The following DNAJB11 variants were observed in gnomAD, a reference collection of about 807,000 sequenced individuals.
The protein encoded by DNAJB11 is DnaJ heat shock protein family (Hsp40) member B11, also known as dnaJ homolog subfamily B member 11.
A neutral mutation model predicts 47.2 loss-of-function variants in DNAJB11; 30 were observed. The observed-to-expected ratio is 0.64, with a 90% CI of 0.48 to 0.86. The LOEUF is 0.86. Ranked by LOEUF, DNAJB11 falls within the 40% of genes least tolerant of loss-of-function variation. The probability of loss-of-function intolerance (pLI) is 0.00; values close to 1 mark genes in which losing one functional copy is unlikely to be tolerated. For synonymous variants in DNAJB11, 151 were observed against 159.9 expected, an observed-to-expected ratio of 0.94 and a Z score of 0.42; for missense variants, 357 against 440.2, an observed-to-expected ratio of 0.81 and a Z score of 1.69.
At chr3:186,571,032 T>TGGGCTTTGGGGGGGGGGGGGGGGGGGGG in intron 1 of DNAJB11, 67 bp downstream of exon 1, 1 of 202,008 alleles carries the variant, frequency 5.0e-6, no homozygotes, top group Non-Finnish European at 1.0e-5. Flanking sequence ...TGGGAGGGGG[T>TGGGCTTTGGGGGGGGGGGGGGGGGGGGG]GGGGGAAGTG....
chr3:186,584,480 G>A lies in DNAJB11; in HGVS notation c.903G>A (p.Lys301=). The A allele has an allele frequency of 6.3e-7, 1 of 1,597,444 alleles. No individual in the cohort carries two copies. The highest frequency in any genetic ancestry group is 8.5e-7 in the Non-Finnish European group (1 of 1,174,872). ...KITRPGAKLW[K]KGEGLPNFDN... is the part of the protein sequence containing the mutation. ...CCAGGCCAGGAGCGAAGCTATGGAA[G>A]AAAGGGGAAGGGCTCCCCAACTTTG... Residue 301 remains lysine (K), a synonymous_variant, in exon 9 of 10, where the codon AAG becomes AAA. Transcript: ENST00000265028.
intron 4 of DNAJB11, 81 bp downstream of exon 4, chr3:186,577,881 TTC>T: frequency 8.2e-7 from 1 of 1,222,200 alleles, no homozygotes; most frequent in Non-Finnish European, 1.1e-6. Flanking sequence ...TATATGTACC[TTC>T]TCTGTCTTTT....
intron 2 of DNAJB11, among the ~76,000 whole-genome samples, chr3:186,574,395 A>C (rs1272060732): frequency 6.6e-6 from 1 of 152,072 alleles, no homozygotes; most frequent in African/African-American, 2.4e-5. Flanking sequence ...TCTCAAATGC[A>C]GGGTTCATTT....
Position 186,581,479 on chromosome 3 carries a change from C to G in DNAJB11, c.565C>G (p.Gln189Glu). ...QLGPGRFQMT[Q>E]EVVCDECPNV... ...GGGCCCTGGGCGCTTCCAAATGACC[C>G]AGGAGGTGGTCTGCGACGAATGCCC... is the stretch of plus-strand genomic sequence containing the variant. Residue 189 changes from glutamine (Q) to glutamate (E), a missense_variant, in exon 5 of 10, where the codon CAG becomes GAG. Coordinates refer to ENST00000265028, the MANE Select transcript of DNAJB11 (RefSeq NM_016306.6). 1 of 1,613,610 alleles carries G rather than the reference C, an allele frequency of 6.2e-7. No homozygotes were observed. The highest frequency in any genetic ancestry group is 8.5e-7 in the Non-Finnish European group (1 of 1,179,882).
intron 1 of DNAJB11, among the ~76,000 whole-genome samples, 179 bp downstream of exon 1, chr3:186,571,144 C>G (rs1216055510): frequency 6.6e-6 from 1 of 151,986 alleles, no homozygotes; most frequent in East Asian, 1.9e-4. Context: ...AGAGGAGAAC[C>G]GTGGGTGACA....
At chr3:186,575,354 T>TGCGCGCGCGC (rs368559871) in intron 2 of DNAJB11, among the ~76,000 whole-genome samples, 2 of 129,438 alleles carry the variant, frequency 1.5e-5, no homozygotes, top group African/African-American at 6.0e-5. Flanking sequence ...TCCTAATACA[T>TGCGCGCGCGC]GCGCGCGCGC....
At chr3:186,572,670 G>T (rs897649430) in intron 2 of DNAJB11, among the ~76,000 whole-genome samples, 2 of 152,224 alleles carry the variant, frequency 1.3e-5, no homozygotes, top group Admixed American at 6.5e-5. Flanking sequence ...TTGCAAACCT[G>T]CATGTTCATA....
intron 5 of DNAJB11, 68 bp downstream of exon 5, chr3:186,581,581 T>C: frequency 6.5e-7 from 1 of 1,548,320 alleles, no homozygotes. Context: ...AGTCAAACAC[T>C]AATGGTCCAT....
intron 4 of DNAJB11, 79 bp from the exon 5 acceptor site, chr3:186,581,285 GCATATGT>G (rs1481189729): frequency 1.4e-6 from 2 of 1,466,898 alleles, no homozygotes; most frequent in Non-Finnish European, 9.3e-7. Flanking sequence ...TTCAGTCCAG[GCATATGT>G]GCAGAGCCTT....
rs1321666722 is a variant in DNAJB11 at position 186,572,270 on chromosome 3, TA to T, written c.225+22del. The T allele has an allele frequency of 1.9e-6, 3 of 1,594,048 alleles. No homozygotes were observed. The highest frequency in any genetic ancestry group is 2.6e-6 in the Non-Finnish European group (3 of 1,173,832). ...TTATGAGGTGAGTTGGGAAAAGTGA[TA>T]AAGTACGAATAAAATCTGTAGCTCT... On this transcript the variant is annotated intron_variant, in intron 2 of 9. Transcript: ENST00000265028.
chr3:186,573,531 G>A (rs1487334037), intron 2 of DNAJB11, among the ~76,000 whole-genome samples: 2 of 151,940 alleles, frequency 1.3e-5, no homozygotes, highest in Non-Finnish European at 2.9e-5. Flanking sequence ...GACTACAGCT[G>A]TGCACCACCA....
In DNAJB11 at chr3:186,570,963, C is replaced by T. The variant is rs753314675; in HGVS notation, c.66C>T (p.Ala22=). The change falls in exon 1 of 10, where the codon GCC becomes GCT. Residue 22 remains alanine, a splice_region_variant and synonymous_variant. Transcript: ENST00000265028. ...TATACCTCATCGGGGCGGTGATTGC[C>T]GGGTGAGGAACAGACACTCGCAGAC... ...LLLYLIGAVI[A]GRDFYKILGV... The T allele has an allele frequency of 2.2e-6, 3 of 1,336,404 alleles. No homozygotes were observed. The highest frequency in any genetic ancestry group is 2.0e-6 in the Non-Finnish European group (2 of 1,011,740). The allele number at this position is 1,336,404 out of a possible 1,614,324, so 82.8% of individuals were successfully genotyped here.
At chr3:186,585,297 A>G (rs753504926) in intron 9 of DNAJB11, 47 bp from the exon 10 acceptor site, 4 of 1,505,852 alleles carry the variant, frequency 2.7e-6, no homozygotes, top group Non-Finnish European at 2.7e-6. Flanking sequence ...ACGCTAGGAA[A>G]GTAACATTTT....
chr3:186,571,161 A>G (rs1296034437), intron 1 of DNAJB11, among the ~76,000 whole-genome samples, 196 bp downstream of exon 1: 1 of 152,104 alleles, frequency 6.6e-6, no homozygotes, highest in Non-Finnish European at 1.5e-5. Context: ...GACACCAGTG[A>G]GAGGGCCTTA....
chr3:186,570,983 G>A lies in DNAJB11; in HGVS notation c.68+18G>A, dbSNP rs1715025731. On this transcript the variant is annotated intron_variant, in intron 1 of 9. Coordinates refer to ENST00000265028, the MANE Select transcript of DNAJB11 (RefSeq NM_016306.6). ...ATTGCCGGGTGAGGAACAGACACTCGCAGACAACGGGGCCTGTGGGTCAGC... is the reference window on the plus strand; with the variant it reads ...ATTGCCGGGTGAGGAACAGACACTCACAGACAACGGGGCCTGTGGGTCAGC... 1 of 1,256,344 alleles carries A rather than the reference G, an allele frequency of 8.0e-7. No individual in the cohort carries two copies. Among genetic ancestry groups the A allele is most frequent in the Non-Finnish European group, 1.1e-6 (1 of 920,436 alleles). The allele number at this position is 1,256,344 out of a possible 1,614,324, so 77.8% of individuals were successfully genotyped here.
intron 9 of DNAJB11, 96 bp downstream of exon 9, chr3:186,584,685 G>A: frequency 8.0e-7 from 1 of 1,248,886 alleles, no homozygotes; most frequent in Non-Finnish European, 1.0e-6. Context: ...GAACTCTCCA[G>A]TGACATGAGA....
At chr3:186,583,737 A>C in intron 7 of DNAJB11, 128 bp from the exon 8 acceptor site, 2 of 681,074 alleles carry the variant, frequency 2.9e-6, no homozygotes, top group South Asian at 3.5e-5. Context: ...TTAATACTAC[A>C]CACAAAAGTA....
chr3:186,570,808 G>C lies in DNAJB11; in HGVS notation c.-90G>C, dbSNP rs1392575920. On this transcript the variant is annotated 5_prime_UTR_variant, in exon 1 of 10. Coordinates refer to ENST00000265028, the MANE Select transcript of DNAJB11 (RefSeq NM_016306.6). ...CCCCGCGCCCCCCCGGTGTGAGGCG[G>C]CCTCACAGGGCCGGGTGGGCTGGCG... 1.6e-6 allele frequency: 2 copies of C among 1,265,742 alleles called. No homozygotes were observed. The highest frequency in any genetic ancestry group is 4.3e-5 in the Admixed American group (2 of 46,792). 78.4% of individuals were successfully genotyped at this position (1,265,742 alleles called of 1,614,324 possible). A position where few individuals can be genotyped will look rare whatever the true frequency, so the allele number is the denominator to read the frequency against.
At chr3:186,577,999 A>G (rs554038912) in intron 4 of DNAJB11, 199 bp downstream of exon 4, 2 of 372,282 alleles carry the variant, frequency 5.4e-6, no homozygotes, top group South Asian at 6.2e-5. Flanking sequence ...AGAACTAAGT[A>G]AAACATTACC....
Sources: gnomAD v4.1 joint callset for allele counts (sites outside exome capture counted in the v4.1 genomes callset) on GRCh38, gnomAD v4.1.1 for gene constraint, MANE v1.5 for transcripts, NCBI Gene and HGNC (gene_info 2026-07-23, HGNC 2026-07-21) for gene names.